Variants in TIAM1 observed in about 807,000 individuals in gnomAD.
TIAM1 encodes TIAM Rac1 associated GEF 1.
TIAM1 carries 65 observed loss-of-function variants against 163.5 expected under a neutral mutation model. The observed-to-expected ratio is 0.40, with a 90% confidence interval of 0.33 to 0.49. The LOEUF is 0.49. Ranked by LOEUF, TIAM1 falls within the 20% of genes least tolerant of loss-of-function variation. TIAM1 has a pLI of 0.77. For missense variants in TIAM1, 1,789 were observed against 2,044.7 expected, an observed-to-expected ratio of 0.87 and a Z score of 2.41; for synonymous variants, 833 against 810.1, an observed-to-expected ratio of 1.03 and a Z score of -0.48.
At chr21:31,259,139 C>CTT (rs11381586) in intron 4 of TIAM1, among the ~76,000 whole-genome samples, 1 of 150,248 alleles carries the variant, frequency 6.7e-6, no homozygotes, top group Admixed American at 6.6e-5. Flanking sequence ...TTTTTTTTTC[C>CTT]TTTTTCTTTT....
rs953210406 is a variant in TIAM1, at chr21:31,465,716, G to A, written c.-421-1681C>T. On this transcript the variant is annotated intron_variant, in intron 1 of 28. Coordinates refer to the TIAM1 transcript ENST00000286827. ...CTCCGGAGTAGCTGGGACTACAGGC[G>A]CCCGCCACCATGCCCAGCGAATTTT... Among the ~76,000 whole-genome samples, 5 of 152,068 alleles carry A rather than the reference G, an allele frequency of 3.3e-5. 1 individual carries two copies. The highest frequency in any genetic ancestry group is 4.1e-4 in the South Asian group (2 of 4,826).
chr21:31,468,454 G>C (rs2045611891), intron 1 of TIAM1, among the ~76,000 whole-genome samples: 1 of 151,504 alleles, frequency 6.6e-6, no homozygotes, highest in Non-Finnish European at 1.5e-5. Context: ...CTGCACTCCA[G>C]CCTGGACAAC....
chr21:31,125,619 G>A (rs534126707), intron 26 of TIAM1, among the ~76,000 whole-genome samples: 1 of 152,286 alleles, frequency 6.6e-6, no homozygotes, highest in East Asian at 1.9e-4. Context: ...CTGTCGCCCA[G>A]GCTGGAGTGC....
At chr21:31,397,605 G>C (rs755890838) in intron 2 of TIAM1, among the ~76,000 whole-genome samples, 87 of 152,206 alleles carry the variant, frequency 5.7e-4, no homozygotes, top group Non-Finnish European at 1.0e-3. Flanking sequence ...AGGACAAAGA[G>C]CTGGTGAAAC....
Position 31,491,231 on chromosome 21 carries a change from A to C in TIAM1, c.-421-27196T>G, listed in dbSNP as rs116173581. On this transcript the variant is annotated intron_variant, in intron 1 of 28. Coordinates refer to the TIAM1 transcript ENST00000286827. ...AGGACAGTGGAGTAGAAAAGTGGAA[A>C]GAACTCATGATTCTGATGCCATCAC... Among the ~76,000 whole-genome samples the C allele has an allele frequency of 2.1e-3, 316 of 152,346 alleles. 2 individuals are homozygous for C. Among genetic ancestry groups the C allele is most frequent in the African/African-American group, 7.1e-3 (295 of 41,574 alleles).
chr21:31,461,815 G>A (rs148452216), intron 2 of TIAM1, among the ~76,000 whole-genome samples: 73 of 152,162 alleles, frequency 4.8e-4, no homozygotes, highest in African/African-American at 1.6e-3. Context: ...ACAGGCATGC[G>A]CTACTATGCC....
At chr21:31,350,355 G>C (rs775427056) in intron 2 of TIAM1, among the ~76,000 whole-genome samples, 14 of 151,958 alleles carry the variant, frequency 9.2e-5, no homozygotes, top group Admixed American at 1.3e-4. Flanking sequence ...AAATTTTGGG[G>C]GGCCAAAACA....
chr21:31,371,821 C>G (rs1169850763), intron 2 of TIAM1, among the ~76,000 whole-genome samples: 1 of 152,114 alleles, frequency 6.6e-6, no homozygotes, highest in African/African-American at 2.4e-5. Flanking sequence ...TCTTTTAGAT[C>G]CTAGACTCTT....
chr21:31,321,970 T>C (rs957262657), intron 2 of TIAM1, among the ~76,000 whole-genome samples: 6 of 151,966 alleles, frequency 3.9e-5, no homozygotes, highest in Admixed American at 6.6e-5. Flanking sequence ...CAAGAATCAC[T>C]TGAACTTGGG....
intron 1 of TIAM1, among the ~76,000 whole-genome samples, chr21:31,558,309 T>G (rs2048963001): frequency 6.6e-6 from 1 of 151,986 alleles, no homozygotes; most frequent in African/African-American, 2.4e-5. Context: ...CCCGCAGGAT[T>G]CCGCTTTTAA....
intron 22 of TIAM1, among the ~76,000 whole-genome samples, chr21:31,139,990 A>G (rs2082773167): frequency 6.6e-6 from 1 of 152,198 alleles, no homozygotes; most frequent in Admixed American, 6.5e-5. Context: ...TCTTCACTCC[A>G]TATGTAAACT....
intron 17 of TIAM1, among the ~76,000 whole-genome samples, 178 bp downstream of exon 17, chr21:31,154,069 C>CA (rs72106135): frequency 9.3e-4 from 141 of 151,156 alleles, no homozygotes; most frequent in Non-Finnish European, 1.2e-3. Flanking sequence ...CTTAAAAAAA[C>CA]AAAAAAAACA....
At chr21:31,322,715 G>C (rs544690824) in intron 2 of TIAM1, among the ~76,000 whole-genome samples, 3 of 152,194 alleles carry the variant, frequency 2.0e-5, no homozygotes, top group African/African-American at 7.2e-5. Flanking sequence ...GGCCCTACCC[G>C]AAACAGCTAA....
At chr21:31,477,522 T>C (rs9984264) in intron 1 of TIAM1, among the ~76,000 whole-genome samples, 49,461 of 146,562 alleles carry the variant, frequency 0.34, 8,670 homozygotes, top group Non-Finnish European at 0.37. Context: ...TCACCCAGGC[T>C]GCAGTGCAGT....
chr21:31,505,167 G>A (rs528839592), intron 1 of TIAM1, among the ~76,000 whole-genome samples: 3 of 152,042 alleles, frequency 2.0e-5, no homozygotes, highest in Non-Finnish European at 2.9e-5. Context: ...TTGGCCGGGC[G>A]ACCACAAGGC....
chr21:31,557,296 G>T (rs1432516966), intron 1 of TIAM1, among the ~76,000 whole-genome samples: 2 of 152,142 alleles, frequency 1.3e-5, no homozygotes, highest in East Asian at 1.9e-4. Flanking sequence ...GGCTGGGGGA[G>T]TGAAGAACGC....
chr21:31,370,380 GC>G (rs1329648127), intron 2 of TIAM1, among the ~76,000 whole-genome samples: 7 of 152,236 alleles, frequency 4.6e-5, no homozygotes, highest in African/African-American at 1.7e-4. Context: ...GAACAATATG[GC>G]TTTTTTATGT....
chr21:31,548,210 G>T (rs549109897), intron 1 of TIAM1, among the ~76,000 whole-genome samples: 3 of 136,356 alleles, frequency 2.2e-5, no homozygotes, highest in African/African-American at 8.3e-5. Context: ...CGAGATCTCA[G>T]CTCACTGCAA....
At chr21:31,291,679 C>T (rs1245181174) in intron 2 of TIAM1, among the ~76,000 whole-genome samples, 1 of 152,240 alleles carries the variant, frequency 6.6e-6, no homozygotes, top group African/African-American at 2.4e-5. Context: ...TGCGCTACAA[C>T]ACCTGGCTAA....
Sources: gnomAD v4.1 joint callset for allele counts (sites outside exome capture counted in the v4.1 genomes callset) on GRCh38, gnomAD v4.1.1 for gene constraint, MANE v1.5 for transcripts, NCBI Gene and HGNC (gene_info 2026-07-23, HGNC 2026-07-21) for gene names.